GATAD2A: variants seen among roughly 807,000 people sequenced by gnomAD.
GATAD2A encodes the protein GATA zinc finger domain containing 2A, also known as transcriptional repressor p66-alpha.
Under a neutral mutation model 68.5 loss-of-function variants are expected in GATAD2A, and 12 were observed. The ratio of observed to expected loss-of-function variants is 0.18; its 90% CI spans 0.11 to 0.28. GATAD2A has a LOEUF of 0.28. Among genes scored for constraint, GATAD2A ranks in the 10% least tolerant of loss-of-function variants. The pLI is 1.00. For missense variants in GATAD2A, 755 were observed against 868.5 expected (o/e 0.87, Z 1.64); for synonymous variants, 410 against 375.3 (o/e 1.09, Z -1.07).
rs2060137307 is a variant in GATAD2A, at chr19:19,496,201, G to A, written c.906G>A (p.Leu302=). The A allele has an allele frequency of 1.2e-6, 2 of 1,613,576 alleles. No homozygotes were observed. The highest frequency in any genetic ancestry group is 1.7e-5 in the Admixed American group (1 of 60,004). Residue 302 remains leucine, a synonymous_variant, in exon 7 of 12, where the codon CTG becomes CTA. Transcript: ENST00000683918. ...TCGCCAATGTTCCCAACACCAGCCT[G>A]CTCGTCAACATCCCACAGGTGAGGG... The part of the protein sequence containing the change: ...IRVANVPNTS[L]LVNIPQPTPA...
intron 1 of GATAD2A, among the ~76,000 whole-genome samples, chr19:19,408,846 C>T (rs371853163): frequency 6.6e-6 from 1 of 152,184 alleles, no homozygotes; most frequent in South Asian, 2.1e-4. Flanking sequence ...GGACCTTTCT[C>T]CTACTGGGGT....
intron 1 of GATAD2A, among the ~76,000 whole-genome samples, chr19:19,436,807 C>T (rs759051540): frequency 3.9e-5 from 6 of 152,180 alleles, no homozygotes; most frequent in Admixed American, 3.3e-4. Context: ...TGGAGAAGAA[C>T]GCAGAACTGA....
chr19:19,500,122 A>T (rs1302613593), intron 8 of GATAD2A, among the ~76,000 whole-genome samples: 2 of 152,194 alleles, frequency 1.3e-5, no homozygotes, highest in Admixed American at 1.3e-4. Flanking sequence ...GTTGCCAAGG[A>T]TAGGACCTCA....
At chr19:19,423,710 T>C (rs1364751930) in intron 1 of GATAD2A, among the ~76,000 whole-genome samples, 2 of 152,234 alleles carry the variant, frequency 1.3e-5, no homozygotes, top group Non-Finnish European at 2.9e-5. Flanking sequence ...TAGAATTCTT[T>C]GTTGTAGAGG....
chr19:19,494,179 C>T (rs1174540856), intron 4 of GATAD2A, 115 bp from the exon 5 acceptor site: 26 of 604,578 alleles, frequency 4.3e-5, no homozygotes, highest in Admixed American at 1.7e-4. Context: ...CGCCTGATGC[C>T]GTAGAGGAGG....
intron 2 of GATAD2A, among the ~76,000 whole-genome samples, chr19:19,469,436 A>AAAAAAAAAAAG (rs1017584925): frequency 5.9e-5 from 9 of 151,956 alleles, no homozygotes; most frequent in South Asian, 4.2e-4. Flanking sequence ...CATCTCAAAA[A>AAAAAAAAAAAG]AAAAGAAAAA....
chr19:19,412,553 G>T (rs1162372953), intron 1 of GATAD2A, among the ~76,000 whole-genome samples: 1 of 151,988 alleles, frequency 6.6e-6, no homozygotes, highest in South Asian at 2.1e-4. Context: ...GATCGGTTGA[G>T]CCTGGGAGGT....
intron 1 of GATAD2A, among the ~76,000 whole-genome samples, chr19:19,452,528 C>T (rs1401249069): frequency 6.6e-6 from 1 of 151,994 alleles, no homozygotes; most frequent in Non-Finnish European, 1.5e-5. Context: ...CATGTCAGCC[C>T]CCAAGTCCAG....
intron 2 of GATAD2A, among the ~76,000 whole-genome samples, chr19:19,468,682 T>C (rs2058053428): frequency 6.6e-6 from 1 of 152,170 alleles, no homozygotes; most frequent in South Asian, 2.1e-4. Context: ...AGAAGAAAAC[T>C]GCCAACCCAG....
intron 1 of GATAD2A, among the ~76,000 whole-genome samples, chr19:19,451,237 C>T (rs557115632): frequency 2.0e-5 from 3 of 151,854 alleles, no homozygotes; most frequent in South Asian, 2.1e-4. Flanking sequence ...AAAAATTAGC[C>T]GTTTGTGGTG....
intron 1 of GATAD2A, among the ~76,000 whole-genome samples, chr19:19,398,064 C>T (rs1001545506): frequency 5.3e-5 from 8 of 151,340 alleles, no homozygotes; most frequent in African/African-American, 9.7e-5. Flanking sequence ...CCACCAGGCT[C>T]GGCTAATTTT....
intron 1 of GATAD2A, among the ~76,000 whole-genome samples, chr19:19,437,784 TTA>T (rs2054539298): frequency 6.6e-6 from 1 of 152,258 alleles, no homozygotes; most frequent in Non-Finnish European, 1.5e-5. Context: ...TGATATTCCA[TTA>T]TATGGATGAA....
At chr19:19,396,310 G>A (rs1467612310) in intron 1 of GATAD2A, among the ~76,000 whole-genome samples, 8 of 151,870 alleles carry the variant, frequency 5.3e-5, no homozygotes, top group East Asian at 1.9e-4. Context: ...GTGAAACTCC[G>A]TCTGAAAAAA....
At chr19:19,392,416 A>G (rs1221233899) in intron 1 of GATAD2A, among the ~76,000 whole-genome samples, 1 of 146,482 alleles carries the variant, frequency 6.8e-6, no homozygotes, top group Non-Finnish European at 1.5e-5. Context: ...TTTTCCAGAC[A>G]GAGTCTCGCT....
intron 7 of GATAD2A, among the ~76,000 whole-genome samples, chr19:19,497,945 C>T (rs1440610589): frequency 6.6e-6 from 1 of 152,260 alleles, no homozygotes; most frequent in South Asian, 2.1e-4. Context: ...CTTCCCCCAT[C>T]GCCCCATAAG....
chr19:19,502,059 G>T lies in GATAD2A; in HGVS notation c.1578+16G>T. 1 of 1,602,276 alleles carries T rather than the reference G, an allele frequency of 6.2e-7. No individual in the cohort carries two copies. The highest frequency in any genetic ancestry group is 8.5e-7 in the Non-Finnish European group (1 of 1,170,450). On this transcript the variant is annotated intron_variant, in intron 10 of 11. Transcript: ENST00000683918. The stretch of plus-strand genomic sequence containing the variant: ...TGTGCTACAGGTCAGAACCGCACTG[G>T]GCGCCGGGAGCCTCGCGCCCCCACC...
intron 1 of GATAD2A, among the ~76,000 whole-genome samples, chr19:19,432,373 C>T: frequency 6.6e-6 from 1 of 152,208 alleles, no homozygotes; most frequent in Non-Finnish European, 1.5e-5. Context: ...TCAATTTCAG[C>T]TCACTGCAAC....
chr19:19,498,504 C>T lies in GATAD2A; in HGVS notation c.986C>T (p.Thr329Ile), dbSNP rs149886344. 360 of 1,613,644 alleles carry T rather than the reference C, an allele frequency of 2.2e-4. No homozygotes were observed. Among genetic ancestry groups the T allele is most frequent in the Non-Finnish European group, 3.0e-4 (354 of 1,179,790 alleles). The change falls in exon 8 of 12, where the codon ACT (threonine) becomes ATT (isoleucine). Residue 329 changes from threonine (T) to isoleucine (I), a missense_variant. Transcript: ENST00000683918. Reference protein sequence around the residue: ...ATSAQANSTPTSVASVVTSAE... With the variant: ...ATSAQANSTPISVASVVTSAE... ...TCCGCTCAGGCCAACTCCACCCCCACTAGTGTGGCCTCTGTGGTCACCTCT... is the reference window on the plus strand; with the variant it reads ...TCCGCTCAGGCCAACTCCACCCCCATTAGTGTGGCCTCTGTGGTCACCTCT...
intron 2 of GATAD2A, among the ~76,000 whole-genome samples, chr19:19,471,592 G>C (rs899629936): frequency 6.6e-6 from 1 of 152,340 alleles, no homozygotes; most frequent in South Asian, 2.1e-4. Flanking sequence ...AAATTGTATC[G>C]TGGTGATGAT....
Sources: allele counts gnomAD v4.1 joint callset (sites outside exome capture counted in the v4.1 genomes callset), GRCh38; gene constraint gnomAD v4.1.1; transcripts MANE v1.5; gene names NCBI Gene and HGNC (gene_info 2026-07-23, HGNC 2026-07-21).